Variants in CSMD1 observed in about 807,000 individuals in gnomAD.
The protein encoded by CSMD1 is CUB and sushi domain-containing protein 1.
A neutral mutation model predicts 417.5 loss-of-function variants in CSMD1; 213 were observed. That is an observed-to-expected ratio of 0.51 (90% confidence interval 0.46 to 0.57). The LOEUF (loss-of-function observed/expected upper bound fraction) is 0.57, where lower values mean the gene tolerates loss of function less well. Ranked by LOEUF, CSMD1 falls within the 20% of genes least tolerant of loss-of-function variation. The probability of loss-of-function intolerance (pLI) is 0.00; values close to 1 mark genes in which losing one functional copy is unlikely to be tolerated. For missense variants in CSMD1, 6,923 were observed against 4,529.7 expected, an observed-to-expected ratio of 1.53 and a Z score of -15.17; for synonymous variants, 2,862 against 1,736.8, an observed-to-expected ratio of 1.65 and a Z score of -16.11.
chr8:3,949,913 G>A (rs1043629479), intron 5 of CSMD1: 1 of 455,938 alleles, frequency 2.2e-6, no homozygotes, highest in South Asian at 1.5e-5. Flanking sequence ...GAAGCTCCAG[G>A]TGTTGAGGCA....
intron 3 of CSMD1, among the ~76,000 whole-genome samples, chr8:4,275,312 G>A (rs1796420248): frequency 6.6e-6 from 1 of 152,136 alleles, no homozygotes; most frequent in African/African-American, 2.4e-5. Flanking sequence ...TGTAAGGTCA[G>A]AAGGTATAAA....
chr8:4,464,105 G>A (rs1221454301), intron 2 of CSMD1, among the ~76,000 whole-genome samples: 2 of 152,030 alleles, frequency 1.3e-5, no homozygotes, highest in African/African-American at 2.4e-5. Context: ...CTAAAAGAAT[G>A]AGATAGAGCT....
chr8:3,779,962 T>C (rs534616220), intron 5 of CSMD1, among the ~76,000 whole-genome samples: 11 of 152,348 alleles, frequency 7.2e-5, no homozygotes, highest in African/African-American at 2.6e-4. Flanking sequence ...TAAGAAAGCT[T>C]AAATCAACCA....
At chr8:3,354,169 T>A (rs1340487416) in intron 21 of CSMD1, among the ~76,000 whole-genome samples, 1 of 152,190 alleles carries the variant, frequency 6.6e-6, no homozygotes, top group Non-Finnish European at 1.5e-5. Context: ...ATATATAACC[T>A]CTCAATCTGC....
intron 9 of CSMD1, among the ~76,000 whole-genome samples, chr8:3,578,044 C>T (rs1288223035): frequency 2.0e-5 from 3 of 152,060 alleles, no homozygotes; most frequent in Non-Finnish European, 4.4e-5. Flanking sequence ...ATTACCTGGG[C>T]CAGGAAAGCT....
At chr8:4,512,024 G>C (rs1802849429) in intron 2 of CSMD1, among the ~76,000 whole-genome samples, 1 of 152,058 alleles carries the variant, frequency 6.6e-6, no homozygotes, top group Non-Finnish European at 1.5e-5. Flanking sequence ...TCATGGACAT[G>C]GTTGCAAAAA....
intron 5 of CSMD1, among the ~76,000 whole-genome samples, chr8:3,784,267 C>T (rs773068683): frequency 9.2e-5 from 14 of 152,104 alleles, no homozygotes; most frequent in Non-Finnish European, 1.0e-4. Flanking sequence ...CAGGACCTTG[C>T]TAGATTACTA....
In CSMD1 at chr8:3,140,097, T is replaced by C. The variant is rs576998847; in HGVS notation, c.6241+2368A>G. Among the ~76,000 whole-genome samples the C allele has an allele frequency of 3.3e-5, 5 of 152,194 alleles. No homozygotes were observed. In the East Asian group the frequency reaches 7.8e-4, roughly 24 times the overall value. On this transcript the variant is annotated intron_variant, in intron 41 of 69. Coordinates refer to ENST00000635120, the MANE Select transcript of CSMD1 (RefSeq NM_033225.6). ...TTTGGTATTTTTAGTAGAGATGTGG[T>C]TTCACCATATCGGCCAGGTTGGTCT...
intron 3 of CSMD1, among the ~76,000 whole-genome samples, chr8:4,298,696 ACT>A (rs1563411565): frequency 1.3e-5 from 2 of 152,118 alleles, no homozygotes; most frequent in Admixed American, 1.3e-4. Context: ...TCTTCAGGCT[ACT>A]CTGATACTAA....
At chr8:4,113,002 A>C (rs1185253653) in intron 3 of CSMD1, among the ~76,000 whole-genome samples, 1 of 152,154 alleles carries the variant, frequency 6.6e-6, no homozygotes, top group East Asian at 1.9e-4. Context: ...TATATCTGTT[A>C]TGGTAATCAG....
chr8:3,138,532 G>T (rs972979431), intron 41 of CSMD1, among the ~76,000 whole-genome samples: 3 of 152,232 alleles, frequency 2.0e-5, no homozygotes, highest in Non-Finnish European at 2.9e-5. Context: ...CACACAAGAA[G>T]AAGCACATCA....
At chr8:4,547,553 G>C (rs1332538366) in intron 2 of CSMD1, among the ~76,000 whole-genome samples, 7 of 152,114 alleles carry the variant, frequency 4.6e-5, no homozygotes, top group Non-Finnish European at 1.0e-4. Flanking sequence ...CCTGTTCGTA[G>C]ATACTTGGAT....
chr8:3,601,943 C>T (rs1406341817), intron 8 of CSMD1, among the ~76,000 whole-genome samples: 4 of 152,080 alleles, frequency 2.6e-5, no homozygotes, highest in Non-Finnish European at 4.4e-5. Context: ...ATAGTGATCA[C>T]GTTCCCAGGA....
chr8:4,935,334 C>A (rs1283930796), intron 1 of CSMD1, among the ~76,000 whole-genome samples: 1 of 152,194 alleles, frequency 6.6e-6, no homozygotes, highest in Non-Finnish European at 1.5e-5. Context: ...TGCCCCTGCG[C>A]CCTCTGGGTG....
intron 2 of CSMD1, among the ~76,000 whole-genome samples, chr8:4,574,170 C>A (rs1585270755): frequency 6.6e-6 from 1 of 151,366 alleles, no homozygotes; most frequent in South Asian, 2.1e-4. Context: ...CGCTGGGGTC[C>A]AAAAAAAACC....
At chr8:4,316,193 C>T (rs747627537) in intron 3 of CSMD1, among the ~76,000 whole-genome samples, 1 of 152,136 alleles carries the variant, frequency 6.6e-6, no homozygotes, top group Non-Finnish European at 1.5e-5. Flanking sequence ...TTCAAGAGAG[C>T]AGGACCCCAT....
chr8:4,080,732 A>T (rs1318768772), intron 3 of CSMD1, among the ~76,000 whole-genome samples: 1 of 152,208 alleles, frequency 6.6e-6, no homozygotes, highest in Non-Finnish European at 1.5e-5. Flanking sequence ...TAGGAGAGAA[A>T]AATAATGTTT....
intron 1 of CSMD1, among the ~76,000 whole-genome samples, chr8:4,907,345 G>T (rs754571452): frequency 9.9e-5 from 15 of 152,074 alleles, no homozygotes; most frequent in Non-Finnish European, 1.5e-4. Flanking sequence ...AGACAAAACG[G>T]CAAAAAGCTT....
chr8:4,961,557 G>A (rs540211981), intron 1 of CSMD1, among the ~76,000 whole-genome samples: 3 of 152,246 alleles, frequency 2.0e-5, no homozygotes, highest in Admixed American at 6.5e-5. Context: ...GAATTTTGAA[G>A]ACGTTAACCA....
Sources: gnomAD v4.1 joint callset for allele counts (sites outside exome capture counted in the v4.1 genomes callset) on GRCh38, gnomAD v4.1.1 for gene constraint, MANE v1.5 for transcripts, NCBI Gene and HGNC (gene_info 2026-07-23, HGNC 2026-07-21) for gene names.